The following EPB41L1 variants were observed in gnomAD, a reference collection of about 807,000 sequenced individuals.
EPB41L1 encodes erythrocyte membrane protein band 4.1 like 1.
In EPB41L1, 29 loss-of-function variants were observed where a neutral mutation model predicts 97.8. The ratio of observed to expected loss-of-function variants is 0.30; its 90% CI spans 0.22 to 0.40. The LOEUF (loss-of-function observed/expected upper bound fraction) is 0.40, where lower values mean the gene tolerates loss of function less well. Ranked by LOEUF, EPB41L1 falls within the 10% of genes least tolerant of loss-of-function variation. The probability of loss-of-function intolerance (pLI) is 1.00; values close to 1 mark genes in which losing one functional copy is unlikely to be tolerated. For synonymous variants in EPB41L1, 383 were observed against 459.2 expected, an observed-to-expected ratio of 0.83 and a Z score of 2.12; for missense variants, 812 against 1,162.3, an observed-to-expected ratio of 0.70 and a Z score of 4.38.
At chr20:36,191,989 G>A (rs983268925) in intron 11 of EPB41L1, among the ~76,000 whole-genome samples, 1 of 152,186 alleles carries the variant, frequency 6.6e-6, no homozygotes, top group Admixed American at 6.5e-5. Flanking sequence ...ACTTTGGGAG[G>A]CCAAGGCGGG....
chr20:36,223,642 G>A (rs1201478266), intron 21 of EPB41L1, among the ~76,000 whole-genome samples: 1 of 151,972 alleles, frequency 6.6e-6, no homozygotes, highest in Non-Finnish European at 1.5e-5. Context: ...AAAACTAATC[G>A]ACAAGGTTGA....
At chr20:36,201,077 C>G (rs1476685985) in intron 14 of EPB41L1, 1 of 413,898 alleles carries the variant, frequency 2.4e-6, no homozygotes, top group African/African-American at 2.0e-5. Flanking sequence ...GGGAATGTAC[C>G]AGATTCTGCC....
In EPB41L1 at chr20:36,204,764, C is replaced by A. The variant is rs183634404; in HGVS notation, c.1669-4724C>A. Among the ~76,000 whole-genome samples the A allele has an allele frequency of 1.7e-4, 26 of 152,196 alleles. No homozygotes were observed. The East Asian group carries it at 5.0e-3, about 29-fold the overall frequency. On this transcript the variant is annotated intron_variant, in intron 14 of 21. Transcript: ENST00000338074. ...TAAAGCAATTCTCCTGCCTCAGCCTCCCAAGTAGCTGGGATTACAGGTGCA... is the reference window on the plus strand; with the variant it reads ...TAAAGCAATTCTCCTGCCTCAGCCTACCAAGTAGCTGGGATTACAGGTGCA...
At chr20:36,208,758 A>G (rs1400800782) in intron 14 of EPB41L1, among the ~76,000 whole-genome samples, 1 of 152,198 alleles carries the variant, frequency 6.6e-6, no homozygotes, top group African/African-American at 2.4e-5. Flanking sequence ...TATGTCGGAC[A>G]AGAGTTGCTG....
intron 7 of EPB41L1, 143 bp downstream of exon 7, chr20:36,185,478 C>G: frequency 1.3e-6 from 1 of 780,992 alleles, no homozygotes; most frequent in Admixed American, 2.1e-5. Flanking sequence ...TATCTAAGAG[C>G]AAATCATCTC....
rs182372799 is a variant in EPB41L1, at chr20:36,164,158, C to T, written c.-15+9262C>T. 3.1e-3 allele frequency among the ~76,000 whole-genome samples: 465 copies of T among 152,252 alleles called. 7 individuals are homozygous for T. Among genetic ancestry groups the T allele is most frequent in the African/African-American group, 0.011 (438 of 41,530 alleles). On this transcript the variant is annotated intron_variant, in intron 1 of 21. Transcript: ENST00000338074. ...TGTGCCCGGCCCCTGCCAGTGTCTT[C>T]TATTGGCCAAATGGAACCAGAAACC...
intron 2 of EPB41L1, among the ~76,000 whole-genome samples, chr20:36,134,377 T>C (rs2059337138): frequency 6.6e-6 from 1 of 152,208 alleles, no homozygotes; most frequent in Non-Finnish European, 1.5e-5. Flanking sequence ...TCCCTAGGCC[T>C]CAGTGTTCCC....
At chr20:36,205,911 A>C (rs1473650238) in intron 14 of EPB41L1, 4 of 1,289,860 alleles carry the variant, frequency 3.1e-6, no homozygotes, top group Non-Finnish European at 4.0e-6. Context: ...TCGGTCTCCT[A>C]AAAGTGACCA....
Position 36,229,518 on chromosome 20 carries a change from A to C in EPB41L1, c.*178A>C. 5.2e-6 allele frequency: 3 copies of C among 574,670 alleles called. No individual in the cohort carries two copies. Among genetic ancestry groups the C allele is most frequent in the Non-Finnish European group, 9.4e-6 (3 of 317,922 alleles). 35.6% of individuals were successfully genotyped at this position (574,670 alleles called of 1,614,324 possible). On this transcript the variant is annotated 3_prime_UTR_variant, in exon 22 of 22. Transcript: ENST00000338074. ...TATAGATATATAGAGATATAGATAT[A>C]TATACAGGAAACACCGCATCCTTGC...
intron 2 of EPB41L1, among the ~76,000 whole-genome samples, chr20:36,122,169 T>A (rs1457596951): frequency 6.6e-6 from 1 of 152,158 alleles, no homozygotes; most frequent in Non-Finnish European, 1.5e-5. Context: ...GGGGGAGAAG[T>A]GTCTCCATGT....
intron 1 of EPB41L1, among the ~76,000 whole-genome samples, chr20:36,165,286 A>G (rs1421982005): frequency 6.6e-6 from 1 of 150,790 alleles, no homozygotes; most frequent in Non-Finnish European, 1.5e-5. Context: ...CTGGCCCAGG[A>G]CATTAACTTT....
chr20:36,102,006 A>AAAAACAAAACAAAAC (rs202030350), intron 1 of EPB41L1, among the ~76,000 whole-genome samples: 6,061 of 137,592 alleles, frequency 0.044, 160 homozygotes, highest in South Asian at 0.15. Flanking sequence ...CTCTGTCTCA[A>AAAAACAAAACAAAAC]AAAACAAAAC....
At chr20:36,124,335 A>G (rs1336824322) in intron 2 of EPB41L1, among the ~76,000 whole-genome samples, 2 of 152,232 alleles carry the variant, frequency 1.3e-5, no homozygotes, top group African/African-American at 4.8e-5. Flanking sequence ...CTCTGCCCTT[A>G]GAATAAAATC....
rs576683490 is a variant in EPB41L1, at chr20:36,190,132, C to T, written c.1027-145C>T. Reference sequence around the variant, plus strand: ...TCAAGGTTACAGTGAGCTATGATTGCGCCACTGTACTCCACCCTGGGCAAA... The same window carrying T: ...TCAAGGTTACAGTGAGCTATGATTGTGCCACTGTACTCCACCCTGGGCAAA... On this transcript the variant is annotated intron_variant, in intron 9 of 21. Transcript: ENST00000338074. This position sits in a 1 kb window ranked among gnomAD's most constrained non-coding sequence, Gnocchi z 5.8. 1.2e-5 allele frequency: 8 copies of T among 675,638 alleles called. No individual in the cohort carries two copies. The highest frequency in any genetic ancestry group is 2.8e-5 in the East Asian group (1 of 35,376). The allele number at this position is 675,638 out of a possible 1,614,324, so 41.9% of individuals were successfully genotyped here. A position where few individuals can be genotyped will look rare whatever the true frequency, so the allele number is the denominator to read the frequency against.
rs534238290 is a variant in EPB41L1 at position 36,195,171 on chromosome 20, T to C, written c.1450-158T>C. 6.6e-6 allele frequency among the ~76,000 whole-genome samples: 1 copy of C among 152,280 alleles called. No individual in the cohort carries two copies. The highest frequency in any genetic ancestry group is 2.4e-5 in the African/African-American group (1 of 41,560). On this transcript the variant is annotated intron_variant, in intron 12 of 21. Coordinates refer to ENST00000338074, the MANE Select transcript of EPB41L1 (RefSeq NM_012156.2). The surrounding 1 kb of genome is among the most constrained non-coding windows in gnomAD (Gnocchi z 4.6). ...ACACCTGTACCTTCTTCTGACTACC[T>C]CACTGCCCTGCTGGTGGCCCACCCA...
At chr20:36,113,186 A>G (rs1600367426) in intron 2 of EPB41L1, among the ~76,000 whole-genome samples, 2 of 152,276 alleles carry the variant, frequency 1.3e-5, no homozygotes, top group Middle Eastern at 3.4e-3. Flanking sequence ...GCTTCTTCCC[A>G]ACTTGGAGGT....
chr20:36,124,566 CT>C (rs2058886735), intron 2 of EPB41L1, among the ~76,000 whole-genome samples: 1 of 152,222 alleles, frequency 6.6e-6, no homozygotes, highest in Non-Finnish European at 1.5e-5. Flanking sequence ...TTTCCTGGCT[CT>C]TTGCCGCCTT....
At chr20:36,185,434 G>T (rs761085282) in intron 7 of EPB41L1, 99 bp downstream of exon 7, 12 of 1,154,590 alleles carry the variant, frequency 1.0e-5, no homozygotes, top group Non-Finnish European at 1.4e-5. Context: ...TGTGCTGTTT[G>T]TACCCCGCCT....
At chr20:36,155,341 G>C (rs150611803) in intron 1 of EPB41L1, 2 of 363,628 alleles carry the variant, frequency 5.5e-6, no homozygotes, top group Non-Finnish European at 5.5e-6. Flanking sequence ...ACCCTTCCCC[G>C]CTCTGGGCTT....
Sources: gnomAD v4.1 joint callset for allele counts (sites outside exome capture counted in the v4.1 genomes callset) on GRCh38, gnomAD v4.1.1 for gene constraint, Gnocchi (gnomAD v3.1) non-coding constraint, MANE v1.5 for transcripts, NCBI Gene and HGNC (gene_info 2026-07-23, HGNC 2026-07-21) for gene names.